The following SLC24A2 variants were observed in gnomAD, a reference collection of about 807,000 sequenced individuals.
SLC24A2 encodes the protein solute carrier family 24 member 2, also known as sodium/potassium/calcium exchanger 2.
In SLC24A2, 36 loss-of-function variants were observed where a neutral mutation model predicts 62.0. The observed-to-expected ratio is 0.58, with a 90% CI of 0.44 to 0.77. SLC24A2 has a LOEUF of 0.77. Among genes scored for constraint, SLC24A2 ranks in the 30% least tolerant of loss-of-function variants. SLC24A2 has a pLI of 0.00. For missense variants in SLC24A2, 846 were observed against 817.9 expected, an observed-to-expected ratio of 1.03 and a Z score of -0.42; for synonymous variants, 358 against 294.0, an observed-to-expected ratio of 1.22 and a Z score of -2.23.
the SLC24A2 span, among the ~76,000 whole-genome samples, chr9:20,167,376 C>G: frequency 6.6e-6 from 1 of 151,896 alleles, no homozygotes; most frequent in African/African-American, 2.4e-5. Flanking sequence ...AGCTGAAGTT[C>G]TTACTGTGGA....
the SLC24A2 span, among the ~76,000 whole-genome samples, chr9:20,074,749 T>C: frequency 5.8e-3 from 883 of 152,244 alleles, 6 homozygotes; most frequent in African/African-American, 0.02. Context: ...TTTAATATGC[T>C]GCCCCTATAG....
chr9:20,009,060 C>T, the SLC24A2 span, among the ~76,000 whole-genome samples: 2 of 152,148 alleles, frequency 1.3e-5, no homozygotes, highest in Non-Finnish European at 2.9e-5. Context: ...ACTCCTCCTT[C>T]CTTAAGCTAG....
the SLC24A2 span, among the ~76,000 whole-genome samples, chr9:19,805,691 T>G: frequency 6.6e-6 from 1 of 151,938 alleles, no homozygotes; most frequent in South Asian, 2.1e-4. Flanking sequence ...AAAATTAGGT[T>G]ACCCTGATTG....
At chr9:20,069,729 T>C in the SLC24A2 span, among the ~76,000 whole-genome samples, 2 of 152,250 alleles carry the variant, frequency 1.3e-5, no homozygotes, top group African/African-American at 4.8e-5. Flanking sequence ...GGCACTATGC[T>C]GTTCGCATTA....
chr9:20,270,285 A>C, the SLC24A2 span, among the ~76,000 whole-genome samples: 1 of 152,078 alleles, frequency 6.6e-6, no homozygotes, highest in Non-Finnish European at 1.5e-5. Context: ...GAATAAAAAA[A>C]CCATAGCACT....
At chr9:20,075,078 TC>T in the SLC24A2 span, among the ~76,000 whole-genome samples, 2 of 152,232 alleles carry the variant, frequency 1.3e-5, no homozygotes, top group African/African-American at 4.8e-5. Flanking sequence ...AAATTCAGTA[TC>T]TTTTTTATGT....
the SLC24A2 span, among the ~76,000 whole-genome samples, chr9:19,943,900 G>T: frequency 6.6e-6 from 1 of 152,178 alleles, no homozygotes; most frequent in Non-Finnish European, 1.5e-5. Context: ...ATAGAAAAAT[G>T]ATTTTTAAAA....
the SLC24A2 span, among the ~76,000 whole-genome samples, chr9:20,198,881 G>A: frequency 4.6e-5 from 7 of 152,220 alleles, no homozygotes; most frequent in South Asian, 2.1e-4. Context: ...TCTCTTTTGT[G>A]TATGGGCACA....
chr9:20,209,948 G>A, the SLC24A2 span, among the ~76,000 whole-genome samples: 27 of 152,270 alleles, frequency 1.8e-4, no homozygotes, highest in Middle Eastern at 6.8e-3. Context: ...CCTTTCATAG[G>A]TATCTCTCAA....
At chr9:20,041,753 T>C in the SLC24A2 span, among the ~76,000 whole-genome samples, 2 of 152,258 alleles carry the variant, frequency 1.3e-5, no homozygotes, top group East Asian at 3.8e-4. Flanking sequence ...GAAGTTGGTA[T>C]CTGGCCAAAT....
the SLC24A2 span, among the ~76,000 whole-genome samples, chr9:20,252,695 T>C: frequency 6.6e-6 from 1 of 152,158 alleles, no homozygotes; most frequent in East Asian, 1.9e-4. Context: ...CTGGTTTTAT[T>C]TGTTTTGCTT....
chr9:20,102,578 T>A, the SLC24A2 span, among the ~76,000 whole-genome samples: 4 of 151,562 alleles, frequency 2.6e-5, no homozygotes, highest in Non-Finnish European at 5.9e-5. Flanking sequence ...ACCACCATGG[T>A]ACATGTAAAC....
chr9:20,181,594 G>T, the SLC24A2 span, among the ~76,000 whole-genome samples: 12 of 152,202 alleles, frequency 7.9e-5, no homozygotes, highest in African/African-American at 2.9e-4. Flanking sequence ...GTAGAAAGCT[G>T]ACACTGGATC....
chr9:19,917,584 A>G, the SLC24A2 span, among the ~76,000 whole-genome samples: 1 of 151,954 alleles, frequency 6.6e-6, no homozygotes, highest in Non-Finnish European at 1.5e-5. Flanking sequence ...TGGATCATGC[A>G]TATAAGCTTA....
the SLC24A2 span, among the ~76,000 whole-genome samples, chr9:19,932,954 A>T: frequency 1.3e-5 from 2 of 152,254 alleles, no homozygotes. Flanking sequence ...TGGAAGGCCA[A>T]GTTCAAATAT....
the SLC24A2 span, among the ~76,000 whole-genome samples, chr9:20,147,593 C>T: frequency 9.3e-4 from 142 of 152,280 alleles, no homozygotes; most frequent in Middle Eastern, 6.8e-3. Flanking sequence ...CAGACCCCAA[C>T]TCATAGGCTT....
the SLC24A2 span, among the ~76,000 whole-genome samples, chr9:19,803,604 A>T: frequency 1.3e-5 from 2 of 152,208 alleles, no homozygotes; most frequent in Admixed American, 6.5e-5. Context: ...ATGCCATAAA[A>T]ATATAAAATA....
At chr9:19,739,165 A>C (rs1821599641) in intron 2 of SLC24A2, among the ~76,000 whole-genome samples, 2 of 152,204 alleles carry the variant, frequency 1.3e-5, no homozygotes. Flanking sequence ...AAAAATGTGC[A>C]TGACTGCTAC....
the SLC24A2 span, among the ~76,000 whole-genome samples, chr9:20,241,838 T>G: frequency 1.3e-5 from 2 of 152,104 alleles, no homozygotes; most frequent in Non-Finnish European, 2.9e-5. Flanking sequence ...GGAGCAGAGA[T>G]GCAAGACAGT....
Sources: gnomAD v4.1 joint callset for allele counts (sites outside exome capture counted in the v4.1 genomes callset) on GRCh38, gnomAD v4.1.1 for gene constraint, MANE v1.5 for transcripts, NCBI Gene and HGNC (gene_info 2026-07-23, HGNC 2026-07-21) for gene names.